Variants in PUF60 observed in about 807,000 individuals in gnomAD.
PUF60 encodes the protein poly(U) binding splicing factor 60.
A neutral mutation model predicts 61.8 loss-of-function variants in PUF60; 10 were observed. That is an observed-to-expected ratio of 0.16 (90% CI 0.10 to 0.27). PUF60 has a LOEUF of 0.27. Ranked by LOEUF, PUF60 falls within the 10% of genes least tolerant of loss-of-function variation. The pLI, the probability that PUF60 is intolerant of heterozygous loss-of-function variation, is 1.00. For missense variants in PUF60, 371 were observed against 754.0 expected (o/e 0.49, Z 5.95); for synonymous variants, 353 against 300.9 (o/e 1.17, Z -1.79).
rs1294599084 is a variant in PUF60 at position 143,817,918 on chromosome 8, G to A, written c.761C>T (p.Ser254Phe). ...SVFEAFGKIK[S>F]CTLARDPTTG... Reference sequence around the variant, plus strand: ...TGTGGGGTCCCGGGCCAGTGTGCAGGACTTGATCTTGCCAAAGGCCTCAAA... The same window carrying A: ...TGTGGGGTCCCGGGCCAGTGTGCAGAACTTGATCTTGCCAAAGGCCTCAAA... The change falls in exon 8 of 12, where the codon TCC (serine) becomes TTC (phenylalanine). Residue 254 changes from serine (S) to phenylalanine (F), a missense_variant. Physicochemically the swap from Ser to Phe is radical, Grantham distance 155. This residue lies in a region of PUF60 where 24 missense variants were observed against 35.0 expected (regional missense o/e 0.68). Coordinates refer to ENST00000526683, the MANE Select transcript of PUF60 (RefSeq NM_078480.3). The surrounding 1 kb of genome is among the most constrained non-coding windows in gnomAD (Gnocchi z 7.4). 1.2e-6 allele frequency: 2 copies of A among 1,612,884 alleles called. No individual in the cohort carries two copies. The highest frequency in any genetic ancestry group is 1.1e-5 in the South Asian group (1 of 91,078).
intron 4 of PUF60, chr8:143,821,268 C>T (rs998364868): frequency 5.8e-6 from 3 of 514,570 alleles, no homozygotes; most frequent in African/African-American, 5.7e-5. Context: ...CATGCTGCCA[C>T]CATCGGCTGT....
rs765237755 is a variant in PUF60 at position 143,818,147 on chromosome 8, C to T, written c.603+46G>A. The T allele has an allele frequency of 1.9e-6, 3 of 1,598,484 alleles. No individual in the cohort carries two copies. Among genetic ancestry groups the T allele is most frequent in the Non-Finnish European group, 2.6e-6 (3 of 1,172,220 alleles). On this transcript the variant is annotated intron_variant, in intron 7 of 11. Coordinates refer to ENST00000526683, the MANE Select transcript of PUF60 (RefSeq NM_078480.3). The surrounding 1 kb of genome is among the most constrained non-coding windows in gnomAD (Gnocchi z 7.9). Reference sequence around the variant, plus strand: ...GCCACAAAAGGCTTCCGTGGAGGGGCAGCCCTGCACGCCTGCGGGATCGAG... The same window carrying T: ...GCCACAAAAGGCTTCCGTGGAGGGGTAGCCCTGCACGCCTGCGGGATCGAG...
Position 143,818,369 on chromosome 8 carries a change from T to C in PUF60, c.510+4A>G, listed in dbSNP as rs759560501. 6.2e-7 allele frequency: 1 copy of C among 1,612,320 alleles called. No homozygotes were observed. Among genetic ancestry groups the C allele is most frequent in the Admixed American group, 1.7e-5 (1 of 59,982 alleles). On this transcript the variant is annotated splice_donor_region_variant and intron_variant, in intron 6 of 11. Transcript: ENST00000526683. The surrounding 1 kb of genome is among the most constrained non-coding windows in gnomAD (Gnocchi z 7.9). ...AGTGGCCGGGGCGGACCAAGCCTGC[T>C]GACCTTGTGCTTCATGGTGACGGAG... is the stretch of plus-strand genomic sequence containing the variant.
At chr8:143,819,776 C>A (rs1482779311) in intron 5 of PUF60, among the ~76,000 whole-genome samples, 1 of 152,096 alleles carries the variant, frequency 6.6e-6, no homozygotes, top group Non-Finnish European at 1.5e-5. Context: ...CGAGACCAGG[C>A]CTGTCCCTCA....
intron 5 of PUF60, chr8:143,820,309 G>A (rs1816867724): frequency 7.0e-6 from 2 of 286,660 alleles, no homozygotes; most frequent in South Asian, 8.4e-5. Flanking sequence ...CCAAGAGCCA[G>A]GCAGCCTGGA....
At chr8:143,823,660 G>A (rs1302583961) in intron 2 of PUF60, among the ~76,000 whole-genome samples, 1 of 152,202 alleles carries the variant, frequency 6.6e-6, no homozygotes, top group Non-Finnish European at 1.5e-5. Context: ...ACCTTGCTGA[G>A]GCCCCACTGG....
In PUF60 at chr8:143,821,573, G is replaced by A. The variant is rs1455520409; in HGVS notation, c.297+24C>T. ...GATGGTGGCTGTGGTGGGGAGGGCG[G>A]TAGAGGCTCCGGCCGGGGCTCACCT... is the stretch of plus-strand genomic sequence containing the variant. On this transcript the variant is annotated intron_variant, in intron 4 of 11. Transcript: ENST00000526683. The A allele has an allele frequency of 2.6e-6, 4 of 1,533,016 alleles. No individual in the cohort carries two copies. The Admixed American group carries it at 5.9e-5, about 23-fold the overall frequency. 95.0% of individuals were successfully genotyped at this position (1,533,016 alleles called of 1,614,324 possible).
chr8:143,828,836 A>C (rs1005067103), intron 1 of PUF60: 1 of 790,380 alleles, frequency 1.3e-6, no homozygotes, highest in African/African-American at 1.9e-5. Context: ...CCATGCTCTG[A>C]GCTGCAGGCC....
At chr8:143,826,304 G>A (rs905682364) in intron 1 of PUF60, among the ~76,000 whole-genome samples, 5 of 152,218 alleles carry the variant, frequency 3.3e-5, no homozygotes, top group East Asian at 1.9e-4. Context: ...GCAATGTAGG[G>A]GCTGGGCGTG....
chr8:143,824,481 A>C, intron 1 of PUF60, 82 bp from the exon 2 acceptor site: 2 of 1,445,462 alleles, frequency 1.4e-6, no homozygotes, highest in Non-Finnish European at 1.9e-6. Context: ...CTAAGGGCTG[A>C]GCTCCTCACG....
At chr8:143,827,822 C>T (rs1450518144) in intron 1 of PUF60, among the ~76,000 whole-genome samples, 1 of 152,220 alleles carries the variant, frequency 6.6e-6, no homozygotes, top group Non-Finnish European at 1.5e-5. Context: ...CACCACCTAT[C>T]TGGCACCACG....
rs1221350839 is a variant in PUF60 at position 143,817,383 on chromosome 8, C to A, written c.1092G>T (p.Leu364=). ...VSPALTLAQP[L]GTLPQAVMAA... ...CCATGACAGCCTGGGGCAAAGTGCCCAGGGGCTGGGCCAGGGTCAGTGCTG... is the reference window on the plus strand; with the variant it reads ...CCATGACAGCCTGGGGCAAAGTGCCAAGGGGCTGGGCCAGGGTCAGTGCTG... The change falls in exon 10 of 12, where the codon CTG becomes CTT. Residue 364 remains leucine, a synonymous_variant. Coordinates refer to ENST00000526683, the MANE Select transcript of PUF60 (RefSeq NM_078480.3). This position sits in a 1 kb window ranked among gnomAD's most constrained non-coding sequence, Gnocchi z 7.4. The A allele has an allele frequency of 1.3e-6, 2 of 1,594,108 alleles. No individual in the cohort carries two copies. The highest frequency in any genetic ancestry group is 1.9e-5 in the Admixed American group (1 of 53,432).
At chr8:143,819,657 T>A (rs1402958449) in intron 5 of PUF60, among the ~76,000 whole-genome samples, 1 of 152,158 alleles carries the variant, frequency 6.6e-6, no homozygotes, top group Non-Finnish European at 1.5e-5. Context: ...AAAACGAGAC[T>A]GTGTTCTCCT....
rs894833542 is a variant in PUF60, at chr8:143,818,762, C to T, written c.349-228G>A. On this transcript the variant is annotated intron_variant, in intron 5 of 11. Coordinates refer to ENST00000526683, the MANE Select transcript of PUF60 (RefSeq NM_078480.3). This position sits in a 1 kb window ranked among gnomAD's most constrained non-coding sequence, Gnocchi z 7.9. The stretch of plus-strand genomic sequence containing the variant: ...CGGCAGGACAGGACGCACCCCAGCC[C>T]GCCAAGGTCCCAGGCAGACTGCGGC... The T allele has an allele frequency of 3.0e-5, 17 of 571,272 alleles. No homozygotes were observed. Among genetic ancestry groups the T allele is most frequent in the Non-Finnish European group, 4.3e-5 (14 of 325,378 alleles). The allele number at this position is 571,272 out of a possible 1,614,324, so 35.4% of individuals were successfully genotyped here.
intron 4 of PUF60, 140 bp downstream of exon 4, chr8:143,821,457 T>TC (rs1166323581): frequency 2.5e-6 from 2 of 799,646 alleles, no homozygotes; most frequent in Non-Finnish European, 4.0e-6. Flanking sequence ...ACCCCGGGGG[T>TC]CCCGAGCATG....
chr8:143,827,358 G>C (rs1019977050), intron 1 of PUF60: 1 of 456,234 alleles, frequency 2.2e-6, no homozygotes, highest in South Asian at 1.5e-5. Context: ...ATGCGTCAAA[G>C]TGAAAAGATG....
chr8:143,826,117 G>A (rs1442274175), intron 1 of PUF60, among the ~76,000 whole-genome samples: 1 of 152,210 alleles, frequency 6.6e-6, no homozygotes, highest in Non-Finnish European at 1.5e-5. Context: ...CCATCTTTAG[G>A]CAATTAAAAT....
At chr8:143,828,041 T>G (rs577137496) in intron 1 of PUF60, among the ~76,000 whole-genome samples, 9 of 152,284 alleles carry the variant, frequency 5.9e-5, no homozygotes. Flanking sequence ...CTCTCTGGAG[T>G]GCCCCTCAAA....
chr8:143,821,972 C>CT, intron 2 of PUF60, 59 bp from the exon 3 acceptor site: 1 of 1,326,236 alleles, frequency 7.5e-7, no homozygotes, highest in Non-Finnish European at 1.0e-6. Flanking sequence ...TCACGTGGCC[C>CT]CAGGAGGGCC....
Sources: allele counts gnomAD v4.1 joint callset (sites outside exome capture counted in the v4.1 genomes callset), GRCh38; gene constraint gnomAD v4.1.1; regional missense constraint gnomAD v4.1.1; non-coding constraint Gnocchi (gnomAD v3.1); transcripts MANE v1.5; gene names NCBI Gene and HGNC (gene_info 2026-07-23, HGNC 2026-07-21).